Variants in SYNGR3 observed in about 807,000 individuals in gnomAD.
SYNGR3 encodes synaptogyrin 3.
A neutral mutation model predicts 18.5 loss-of-function variants in SYNGR3; 10 were observed. The ratio of observed to expected loss-of-function variants is 0.54; its 90% CI spans 0.33 to 0.92. The LOEUF (loss-of-function observed/expected upper bound fraction) is 0.92, where lower values mean the gene tolerates loss of function less well. SYNGR3 is among the 40% of genes least tolerant of loss of function. The probability of loss-of-function intolerance (pLI) is 0.02; values close to 1 mark genes in which losing one functional copy is unlikely to be tolerated. For synonymous variants in SYNGR3, 188 were observed against 157.2 expected (o/e 1.20, Z -1.47); for missense variants, 335 against 332.8 (o/e 1.01, Z -0.05).
At chr16:1,991,694 G>C in intron 1 of SYNGR3, 2 of 474,312 alleles carry the variant, frequency 4.2e-6, no homozygotes. Context: ...AAGAGAATAA[G>C]AACAATGGCG....
rs1410777023 is a variant in SYNGR3, at chr16:1,992,180, G to A, written c.306G>A (p.Arg102=). 6.2e-6 allele frequency: 9 copies of A among 1,446,920 alleles called. No homozygotes were observed. 89.6% of individuals were successfully genotyped at this position (1,446,920 alleles called of 1,614,324 possible). The change falls in exon 2 of 4, where the codon CGG becomes CGA. Residue 102 remains arginine (R), a synonymous_variant. Transcript: ENST00000248121. Reference sequence around the variant, plus strand: ...AAATCAGCAGCGTCCGCGACCGCCGGCGCGCGGTGTTGCTGGACCTGGGCT... The same window carrying A: ...AAATCAGCAGCGTCCGCGACCGCCGACGCGCGGTGTTGCTGGACCTGGGCT... ...FQQISSVRDR[R]RAVLLDLGFS...
chr16:1,992,832 C>A, intron 3 of SYNGR3, 31 bp from the exon 4 acceptor site: 3 of 1,517,950 alleles, frequency 2.0e-6, no homozygotes, highest in Non-Finnish European at 2.6e-6. Context: ...CGGCTGATCC[C>A]GGCTGACCCC....
chr16:1,992,946 G>A lies in SYNGR3; in HGVS notation c.564G>A (p.Gly188=). ...TCGCCACCGAACAGCTGAGCACCGG[G>A]GCGAGCCAGGCCTACCCCGGCTATC... is the stretch of plus-strand genomic sequence containing the variant. ...SLFATEQLST[G]ASQAYPGYPV... is the part of the protein sequence containing the mutation. The change falls in exon 4 of 4, where the codon GGG becomes GGA. Residue 188 remains glycine, a synonymous_variant. Coordinates refer to ENST00000248121, the MANE Select transcript of SYNGR3 (RefSeq NM_004209.6). 2 of 1,611,498 alleles carry A rather than the reference G, an allele frequency of 1.2e-6. No homozygotes were observed. The highest frequency in any genetic ancestry group is 1.7e-5 in the Admixed American group (1 of 59,938).
rs774851219 is a variant in SYNGR3, at chr16:1,992,787, G to C, written c.480+9G>C. The stretch of plus-strand genomic sequence containing the variant: ...TCTCCATCCTCAGCTGGGTGAGTGC[G>C]GGGCCCGGGAGGGCGGGGCGAAGGG... On this transcript the variant is annotated intron_variant, in intron 3 of 3. Coordinates refer to ENST00000248121, the MANE Select transcript of SYNGR3 (RefSeq NM_004209.6). 3 of 1,538,518 alleles carry C rather than the reference G, an allele frequency of 1.9e-6. No homozygotes were observed. In the African/African-American group the frequency reaches 4.2e-5, roughly 22 times the overall value.
chr16:1,990,518 G>A (rs752184938), intron 1 of SYNGR3: 1 of 498,128 alleles, frequency 2.0e-6, no homozygotes, highest in South Asian at 1.6e-5. Context: ...CGTTTTTCCT[G>A]TTCTCGTGAC....
chr16:1,994,100 C>T lies in SYNGR3; in HGVS notation c.*1028C>T, dbSNP rs1242735949. The T allele has an allele frequency of 1.2e-5, 2 of 162,082 alleles. No homozygotes were observed. The highest frequency in any genetic ancestry group is 5.9e-5 in the Admixed American group (1 of 17,072). The allele number at this position is 162,082 out of a possible 1,614,324, so 10.0% of individuals were successfully genotyped here. ...CTCTGGAGATGCAGTTGAGTGACAA[C>T]CTTGTTACATTGTAGCCTAGACCAA... On this transcript the variant is annotated 3_prime_UTR_variant, in exon 4 of 4. Transcript: ENST00000248121.
Position 1,993,568 on chromosome 16 carries a change from A to C in SYNGR3, c.*496A>C, listed in dbSNP as rs1597067992. On this transcript the variant is annotated 3_prime_UTR_variant, in exon 4 of 4. Transcript: ENST00000248121. The stretch of plus-strand genomic sequence containing the variant: ...ATGGTGGTGCGTCCCGTCCGGAGCC[A>C]CTCTCCACTTTCTCTCACAGGCTGC... 2.2e-6 allele frequency: 1 copy of C among 458,362 alleles called. No homozygotes were observed. The highest frequency in any genetic ancestry group is 4.4e-6 in the Non-Finnish European group (1 of 228,560). 28.4% of individuals were successfully genotyped at this position (458,362 alleles called of 1,614,324 possible).
chr16:1,992,490 C>A, intron 2 of SYNGR3, 146 bp from the exon 3 acceptor site: 1 of 1,160,382 alleles, frequency 8.6e-7, no homozygotes, highest in Non-Finnish European at 1.1e-6. Flanking sequence ...GGGGTCAGCG[C>A]AGGAGAGGGA....
intron 1 of SYNGR3, among the ~76,000 whole-genome samples, chr16:1,990,945 AGACC>A (rs1294392536): frequency 3.3e-5 from 5 of 152,248 alleles, no homozygotes; most frequent in African/African-American, 1.2e-4. Context: ...GGCTCTGACC[AGACC>A]GGGAGGCAGG....
intron 2 of SYNGR3, 25 bp from the exon 3 acceptor site, chr16:1,992,611 C>T: frequency 6.3e-7 from 1 of 1,583,702 alleles, no homozygotes; most frequent in Non-Finnish European, 8.6e-7. Context: ...TGGAGCGTCG[C>T]CCTGACGCGC....
chr16:1,993,352 G>A lies in SYNGR3; in HGVS notation c.*280G>A, dbSNP rs892569582. The A allele has an allele frequency of 1.6e-6, 1 of 626,922 alleles. No homozygotes were observed. The highest frequency in any genetic ancestry group is 2.9e-6 in the Non-Finnish European group (1 of 339,300). 38.8% of individuals were successfully genotyped at this position (626,922 alleles called of 1,614,324 possible). A position where few individuals can be genotyped will look rare whatever the true frequency, so the allele number is the denominator to read the frequency against. The stretch of plus-strand genomic sequence containing the variant: ...GCCTGGAATGGACTGGCCTGGGGAA[G>A]GCTTTCCCCTCTTGGGCCACACCTG... On this transcript the variant is annotated 3_prime_UTR_variant, in exon 4 of 4. Transcript: ENST00000248121.
At chr16:1,991,572 G>C (rs923638362) in intron 1 of SYNGR3, 1 of 174,360 alleles carries the variant, frequency 5.7e-6, no homozygotes, top group Admixed American at 6.2e-5. Context: ...GGGACTCCAC[G>C]GGCCCACGCG....
rs751128896 is a variant in SYNGR3 at position 1,992,028 on chromosome 16, G to T, written c.154G>T (p.Asp52Tyr). Residue 52 changes from aspartate to tyrosine, a missense_variant, in exon 2 of 4, where the codon GAC (aspartate) becomes TAC (tyrosine). By Grantham distance (160) the Asp-to-Tyr change is radical (BLOSUM62 -3). Coordinates refer to ENST00000248121, the MANE Select transcript of SYNGR3 (RefSeq NM_004209.6). Reference protein sequence around the residue: ...PIVNEGYVNTDSGPELRCVFN... With the variant: ...PIVNEGYVNTYSGPELRCVFN... The stretch of plus-strand genomic sequence containing the variant: ...CGTCAACGAGGGCTACGTGAACACC[G>T]ACAGCGGCCCCGAGCTGCGCTGCGT... 1.3e-6 allele frequency: 2 copies of T among 1,587,118 alleles called. No homozygotes were observed. Among genetic ancestry groups the T allele is most frequent in the Non-Finnish European group, 8.6e-7 (1 of 1,168,660 alleles).
chr16:1,991,725 G>C (rs1323261222), intron 1 of SYNGR3: 1 of 499,726 alleles, frequency 2.0e-6, no homozygotes, highest in Admixed American at 3.9e-5. Flanking sequence ...GACTTTCTGA[G>C]GATTTGGTGA....
chr16:1,991,877 C>T lies in SYNGR3; in HGVS notation c.100-97C>T, dbSNP rs764552774. The T allele has an allele frequency of 1.8e-4, 192 of 1,060,590 alleles. 1 individual carries two copies. Among genetic ancestry groups the T allele is most frequent in the Non-Finnish European group, 2.5e-4 (187 of 757,382 alleles). 65.7% of individuals were successfully genotyped at this position (1,060,590 alleles called of 1,614,324 possible). A position where few individuals can be genotyped will look rare whatever the true frequency, so the allele number is the denominator to read the frequency against. ...ACACCGCCCCCCACCCAGATACGGGCCTGGGAACGCAGGGACAGGCCCAGG... is the reference window on the plus strand; with the variant it reads ...ACACCGCCCCCCACCCAGATACGGGTCTGGGAACGCAGGGACAGGCCCAGG... On this transcript the variant is annotated intron_variant, in intron 1 of 3. Coordinates refer to ENST00000248121, the MANE Select transcript of SYNGR3 (RefSeq NM_004209.6).
Position 1,993,479 on chromosome 16 carries a change from CTG to C in SYNGR3, c.*408_*409del. ...GAAAGACACCACCCTCGCCCCAAGA[CTG>C]GGGATCCTGGCCACTGTTCCCATCC... On this transcript the variant is annotated 3_prime_UTR_variant, in exon 4 of 4. Coordinates refer to ENST00000248121, the MANE Select transcript of SYNGR3 (RefSeq NM_004209.6). 1 of 482,610 alleles carries C rather than the reference CTG, an allele frequency of 2.1e-6. No homozygotes were observed. The highest frequency in any genetic ancestry group is 1.5e-5 in the South Asian group (1 of 64,796). The allele number at this position is 482,610 out of a possible 1,614,324, so 29.9% of individuals were successfully genotyped here. A position where few individuals can be genotyped will look rare whatever the true frequency, so the allele number is the denominator to read the frequency against.
chr16:1,993,162 A>C lies in SYNGR3; in HGVS notation c.*90A>C. On this transcript the variant is annotated 3_prime_UTR_variant, in exon 4 of 4. Coordinates refer to ENST00000248121, the MANE Select transcript of SYNGR3 (RefSeq NM_004209.6). Reference sequence around the variant, plus strand: ...GACCTCCCTTGGGTCCTTCCAGCTCAGTGCCGCGGACAGAGTAGGTGGCCG... The same window carrying C: ...GACCTCCCTTGGGTCCTTCCAGCTCCGTGCCGCGGACAGAGTAGGTGGCCG... 2.7e-6 allele frequency: 4 copies of C among 1,462,686 alleles called. No individual in the cohort carries two copies. Among genetic ancestry groups the C allele is most frequent in the African/African-American group, 1.4e-5 (1 of 71,174 alleles). 90.6% of individuals were successfully genotyped at this position (1,462,686 alleles called of 1,614,324 possible). A position where few individuals can be genotyped will look rare whatever the true frequency, so the allele number is the denominator to read the frequency against.
At chr16:1,991,862 C>A in intron 1 of SYNGR3, 112 bp from the exon 2 acceptor site, 1 of 890,070 alleles carries the variant, frequency 1.1e-6, no homozygotes, top group African/African-American at 1.8e-5. Context: ...ACACCGCCCC[C>A]CACCCAGATA....
Position 1,992,073 on chromosome 16 carries a change from G to A in SYNGR3, c.199G>A (p.Ala67Thr). 4 of 1,565,816 alleles carry A rather than the reference G, an allele frequency of 2.6e-6. No homozygotes were observed. Among genetic ancestry groups the A allele is most frequent in the Non-Finnish European group, 3.5e-6 (4 of 1,157,990 alleles). Residue 67 changes from alanine to threonine, a missense_variant, in exon 2 of 4, where the codon GCC becomes ACC. Physicochemically the swap from Ala to Thr is moderately conservative, Grantham distance 58. Transcript: ENST00000248121. ...CTGCGTGTTCAACGGGAACGCGGGC[G>A]CCTGCCGCTTCGGCGTCGCGCTGGG... ...LRCVFNGNAG[A>T]CRFGVALGLG...
Sources: allele counts gnomAD v4.1 joint callset (sites outside exome capture counted in the v4.1 genomes callset), GRCh38; gene constraint gnomAD v4.1.1; transcripts MANE v1.5; gene names NCBI Gene and HGNC (gene_info 2026-07-23, HGNC 2026-07-21).